The following CDH4 variants were observed in gnomAD, a reference collection of about 807,000 sequenced individuals.
The protein encoded by CDH4 is cadherin 4.
CDH4 carries 33 observed loss-of-function variants against 86.0 expected under a neutral mutation model. The ratio of observed to expected loss-of-function variants is 0.38; its 90% CI spans 0.29 to 0.51. CDH4 has a LOEUF of 0.51. Among genes scored for constraint, CDH4 ranks in the 20% least tolerant of loss-of-function variants. The pLI, the probability that CDH4 is intolerant of heterozygous loss-of-function variation, is 0.86. For synonymous variants in CDH4, 555 were observed against 549.4 expected, an observed-to-expected ratio of 1.01 and a Z score of -0.14; for missense variants, 1,114 against 1,307.4, an observed-to-expected ratio of 0.85 and a Z score of 2.28.
At chr20:61,342,259 C>T (rs1440518694) in intron 2 of CDH4, among the ~76,000 whole-genome samples, 2 of 152,164 alleles carry the variant, frequency 1.3e-5, no homozygotes, top group Non-Finnish European at 2.9e-5. Flanking sequence ...AAGCGCTTTA[C>T]ATTTATTGTG....
chr20:61,309,671 G>A (rs772998400), intron 2 of CDH4, among the ~76,000 whole-genome samples: 1 of 152,196 alleles, frequency 6.6e-6, no homozygotes, highest in Non-Finnish European at 1.5e-5. Flanking sequence ...TCAGGGAAAT[G>A]CATGAACTTA....
chr20:61,855,685 CA>C (rs534782228), intron 6 of CDH4, among the ~76,000 whole-genome samples: 61 of 152,342 alleles, frequency 4.0e-4, no homozygotes, highest in African/African-American at 9.4e-4. Flanking sequence ...ATTAGGATAA[CA>C]AAGAGCAAAT....
intron 2 of CDH4, among the ~76,000 whole-genome samples, chr20:61,368,536 A>G (rs752565005): frequency 9.9e-5 from 15 of 152,162 alleles, no homozygotes; most frequent in Non-Finnish European, 2.1e-4. Context: ...AAGTCACCCA[A>G]GGAATGGTAA....
chr20:61,471,331 A>G (rs1191558385), intron 2 of CDH4, among the ~76,000 whole-genome samples: 1 of 152,038 alleles, frequency 6.6e-6, no homozygotes, highest in Non-Finnish European at 1.5e-5. Flanking sequence ...CATAGTAGCC[A>G]CTAATGATCC....
chr20:61,537,298 T>C (rs77645444), intron 2 of CDH4, among the ~76,000 whole-genome samples: 72 of 152,336 alleles, frequency 4.7e-4, no homozygotes, highest in African/African-American at 1.7e-3. Context: ...TTATCCTTCA[T>C]TGCTTGCAAT....
At chr20:61,284,028 C>T (rs546788074) in intron 2 of CDH4, among the ~76,000 whole-genome samples, 32 of 152,098 alleles carry the variant, frequency 2.1e-4, no homozygotes, top group African/African-American at 6.7e-4. Context: ...TAGCTTTGGC[C>T]GGGCGCGGTG....
chr20:61,572,056 A>G (rs984910145), intron 2 of CDH4, among the ~76,000 whole-genome samples: 1 of 152,108 alleles, frequency 6.6e-6, no homozygotes, highest in Non-Finnish European at 1.5e-5. Context: ...TGAGTGAGAC[A>G]GAAGCAGCCA....
rs11483090 is a variant in CDH4 at position 61,392,908 on chromosome 20, T to TC, written c.169+137974dup. On this transcript the variant is annotated intron_variant, in intron 2 of 15. Transcript: ENST00000614565. The surrounding 1 kb of genome is among the most constrained non-coding windows in gnomAD (Gnocchi z 5.7). ...AAAGCCAGTGGATTGACATAAAGTC[T>TC]CCCGATCAGGGAAGGAGGTGCAGAT... Among the ~76,000 whole-genome samples, 58,071 of 151,664 alleles carry TC rather than the reference T, an allele frequency of 0.38. 12,504 individuals carry two copies. Among genetic ancestry groups the TC allele is most frequent in the East Asian group, 0.8 (4,107 of 5,138 alleles).
intron 2 of CDH4, among the ~76,000 whole-genome samples, chr20:61,354,565 C>A (rs536388666): frequency 6.6e-6 from 1 of 152,316 alleles, no homozygotes; most frequent in African/African-American, 2.4e-5. Flanking sequence ...GACTTCCAGG[C>A]TTTCCCTTGC....
At chr20:61,441,067 T>C (rs189773211) in intron 2 of CDH4, among the ~76,000 whole-genome samples, 11 of 152,300 alleles carry the variant, frequency 7.2e-5, no homozygotes, top group African/African-American at 2.6e-4. Flanking sequence ...AAGACACATT[T>C]CTTTATCCAT....
intron 2 of CDH4, among the ~76,000 whole-genome samples, chr20:61,588,530 C>T (rs1433033085): frequency 6.6e-6 from 1 of 152,222 alleles, no homozygotes; most frequent in East Asian, 1.9e-4. Context: ...GTGTTTTACA[C>T]ACTTGGCCAA....
At chr20:61,298,937 AAC>A (rs2084371687) in intron 2 of CDH4, among the ~76,000 whole-genome samples, 1 of 152,160 alleles carries the variant, frequency 6.6e-6, no homozygotes, top group South Asian at 2.1e-4. Context: ...CATTTCTGAA[AAC>A]AGCCAATTTG....
chr20:61,599,877 T>C, intron 2 of CDH4: 4 of 985,546 alleles, frequency 4.1e-6, no homozygotes, highest in Non-Finnish European at 4.8e-6. Flanking sequence ...AGGAGCAATC[T>C]TCTCAGCCGT....
chr20:61,858,387 CTG>C, intron 6 of CDH4, among the ~76,000 whole-genome samples: 1 of 143,898 alleles, frequency 6.9e-6, no homozygotes, highest in Non-Finnish European at 1.5e-5. Context: ...GTATGTGTAT[CTG>C]TGTCTCTGTG....
intron 2 of CDH4, among the ~76,000 whole-genome samples, chr20:61,651,625 C>T (rs1176602997): frequency 6.6e-6 from 1 of 152,220 alleles, no homozygotes; most frequent in Non-Finnish European, 1.5e-5. Context: ...GGCGGCCCCA[C>T]CTCGCAGGTG....
At chr20:61,904,044 C>A (rs1268225502) in intron 8 of CDH4, among the ~76,000 whole-genome samples, 2 of 152,228 alleles carry the variant, frequency 1.3e-5, no homozygotes, top group African/African-American at 4.8e-5. Flanking sequence ...TGAGTGGCCG[C>A]CCCTGGGACT....
intron 2 of CDH4, among the ~76,000 whole-genome samples, chr20:61,595,238 A>G (rs6121716): frequency 0.054 from 8,274 of 152,264 alleles, 403 homozygotes; most frequent in African/African-American, 0.12. Flanking sequence ...CCAGCCCTGC[A>G]TGTGTGAGGA....
At chr20:61,830,640 G>A (rs140648297) in intron 4 of CDH4, among the ~76,000 whole-genome samples, 48 of 152,324 alleles carry the variant, frequency 3.2e-4, no homozygotes, top group African/African-American at 1.1e-3. Context: ...CGTGTGCTCC[G>A]GAGAGACACT....
rs986814165 is a variant in CDH4 at position 61,919,862 on chromosome 20, C to T, written c.1375-3589C>T. Reference sequence around the variant, plus strand: ...GTGTGATTGTGTGGAAGCATGGTGTCGCGGTGATTGCATGGAAGCTTGTGA... The same window carrying T: ...GTGTGATTGTGTGGAAGCATGGTGTTGCGGTGATTGCATGGAAGCTTGTGA... On this transcript the variant is annotated intron_variant, in intron 9 of 15. Transcript: ENST00000614565. Among the ~76,000 whole-genome samples the T allele has an allele frequency of 5.1e-3, 12 of 2,346 alleles. No individual in the cohort carries two copies. The Admixed American group carries it at 0.057, about 11-fold the overall frequency. 1.5% of individuals were successfully genotyped at this position (2,346 alleles called of 152,430 possible). A position where few individuals can be genotyped will look rare whatever the true frequency, so the allele number is the denominator to read the frequency against.
Sources: allele counts gnomAD v4.1 joint callset (sites outside exome capture counted in the v4.1 genomes callset), GRCh38; gene constraint gnomAD v4.1.1; non-coding constraint Gnocchi (gnomAD v3.1); transcripts MANE v1.5; gene names NCBI Gene and HGNC (gene_info 2026-07-23, HGNC 2026-07-21).